PKHD1: variants seen among roughly 807,000 people sequenced by gnomAD.
PKHD1 encodes the protein PKHD1 ciliary IPT domain containing fibrocystin/polyductin.
PKHD1 carries 291 observed loss-of-function variants against 412.0 expected under a neutral mutation model. That is an observed-to-expected ratio of 0.71 (90% confidence interval 0.64 to 0.78). The LOEUF (loss-of-function observed/expected upper bound fraction) is 0.78, where lower values mean the gene tolerates loss of function less well. PKHD1 is among the 30% of genes least tolerant of loss of function. The pLI is 0.00. For missense variants in PKHD1, 4,825 were observed against 4,950.7 expected (o/e 0.97, Z 0.76); for synonymous variants, 1,777 against 1,821.5 (o/e 0.98, Z 0.62).
At chr6:51,728,865 A>AAGTGGTGGC (rs1299663346) in intron 60 of PKHD1, among the ~76,000 whole-genome samples, 1 of 152,252 alleles carries the variant, frequency 6.6e-6, no homozygotes, top group Non-Finnish European at 1.5e-5. Flanking sequence ...GGATCATGAT[A>AAGTGGTGGC]AGTGGTGGCA....
At chr6:52,059,591 T>C (rs935180350) in intron 15 of PKHD1, among the ~76,000 whole-genome samples, 1 of 152,152 alleles carries the variant, frequency 6.6e-6, no homozygotes, top group Non-Finnish European at 1.5e-5. Flanking sequence ...GTGGAAAAGA[T>C]ACATACATAT....
At chr6:51,665,871 T>C (rs1334259355) in intron 60 of PKHD1, among the ~76,000 whole-genome samples, 3 of 152,044 alleles carry the variant, frequency 2.0e-5, no homozygotes, top group African/African-American at 7.2e-5. Context: ...TAAGATGGGA[T>C]TGGATAGGTT....
At chr6:51,716,498 A>G (rs1424102049) in intron 60 of PKHD1, among the ~76,000 whole-genome samples, 1 of 152,152 alleles carries the variant, frequency 6.6e-6, no homozygotes, top group Non-Finnish European at 1.5e-5. Flanking sequence ...AAAAGGCTTC[A>G]TAGAGTCCCT....
chr6:52,019,713 T>C (rs1457328595), intron 33 of PKHD1, among the ~76,000 whole-genome samples: 1 of 152,148 alleles, frequency 6.6e-6, no homozygotes, highest in Non-Finnish European at 1.5e-5. Flanking sequence ...TCCATGAAAA[T>C]GTCATGTGGT....
intron 16 of PKHD1, 71 bp downstream of exon 16, chr6:52,058,252 C>T: frequency 2.6e-6 from 4 of 1,510,272 alleles, no homozygotes; most frequent in Non-Finnish European, 3.7e-6. Context: ...GACTCCCAGT[C>T]AGTGCTCCTG....
chr6:51,666,555 TTTA>T (rs1773822406), intron 60 of PKHD1, among the ~76,000 whole-genome samples: 2 of 151,862 alleles, frequency 1.3e-5, no homozygotes, highest in African/African-American at 4.9e-5. Context: ...TTTTTTTAAA[TTTA>T]TTATAATACT....
In PKHD1 at chr6:51,833,735, A is replaced by G. The variant is rs147453336; in HGVS notation, c.8173+2669T>C. Among the ~76,000 whole-genome samples the G allele has an allele frequency of 4.6e-3, 697 of 152,286 alleles. 5 individuals carry two copies. Among genetic ancestry groups the G allele is most frequent in the African/African-American group, 0.013 (552 of 41,568 alleles). ...GTGGTCCCAGTTGAGTGGTTGAGAC[A>G]GAAACCATATTACAGTGGATTGAGG... On this transcript the variant is annotated intron_variant, in intron 51 of 66. Coordinates refer to ENST00000371117, the MANE Select transcript of PKHD1 (RefSeq NM_138694.4).
rs1266670246 is a variant in PKHD1 at position 51,806,160 on chromosome 6, A to G, written c.8303-14787T>C. ...AATGGGTGCAGCACACCAACATGGCACATGTATACATATGTAACTAACCTG... is the reference window on the plus strand; with the variant it reads ...AATGGGTGCAGCACACCAACATGGCGCATGTATACATATGTAACTAACCTG... On this transcript the variant is annotated intron_variant, in intron 52 of 66. Transcript: ENST00000371117. 3.3e-5 allele frequency among the ~76,000 whole-genome samples: 5 copies of G among 152,242 alleles called. No homozygotes were observed. In the East Asian group the frequency reaches 9.7e-4, roughly 29 times the overall value.
intron 55 of PKHD1, among the ~76,000 whole-genome samples, chr6:51,758,533 T>C (rs1787444546): frequency 6.6e-6 from 1 of 152,214 alleles, no homozygotes; most frequent in Non-Finnish European, 1.5e-5. Flanking sequence ...CTCTGATTAG[T>C]ATGACTCCTA....
At chr6:51,667,446 C>A (rs1359791201) in intron 60 of PKHD1, among the ~76,000 whole-genome samples, 2 of 148,668 alleles carry the variant, frequency 1.3e-5, no homozygotes, top group African/African-American at 2.5e-5. Context: ...TGGATATTAG[C>A]CCTTTGTCAG....
At chr6:51,732,048 A>C (rs1364300457) in intron 60 of PKHD1, among the ~76,000 whole-genome samples, 1 of 152,206 alleles carries the variant, frequency 6.6e-6, no homozygotes, top group African/African-American at 2.4e-5. Context: ...TTTTAAACAC[A>C]TAGTATAAGA....
chr6:51,894,078 C>G (rs1329086704), intron 43 of PKHD1, among the ~76,000 whole-genome samples: 1 of 152,202 alleles, frequency 6.6e-6, no homozygotes, highest in Non-Finnish European at 1.5e-5. Context: ...AACAGATTCA[C>G]ACAGGTTATG....
chr6:52,033,576 G>A (rs549764079), intron 28 of PKHD1, among the ~76,000 whole-genome samples: 56 of 151,406 alleles, frequency 3.7e-4, no homozygotes, highest in African/African-American at 1.3e-3. Flanking sequence ...ATTTCTCTAT[G>A]ACACACTCTT....
At chr6:51,852,458 T>C (rs1486518076) in intron 49 of PKHD1, among the ~76,000 whole-genome samples, 1 of 152,186 alleles carries the variant, frequency 6.6e-6, no homozygotes, top group Non-Finnish European at 1.5e-5. Flanking sequence ...CATATCCTTG[T>C]TAATTTTCTG....
Position 51,874,245 on chromosome 6 carries a change from T to C in PKHD1, c.7351-3606A>G, listed in dbSNP as rs1303774469. ...GACAGCCATCCTACAGATACTTCGA[T>C]AAGTAGGGTGACCGTAATTTAAATT... On this transcript the variant is annotated intron_variant, in intron 46 of 66. Transcript: ENST00000371117. Among the ~76,000 whole-genome samples, 5 of 151,484 alleles carry C rather than the reference T, an allele frequency of 3.3e-5. No individual in the cohort carries two copies. In the South Asian group the frequency reaches 6.3e-4, roughly 19 times the overall value.
At chr6:51,720,063 A>G (rs1444234975) in intron 60 of PKHD1, among the ~76,000 whole-genome samples, 4 of 152,214 alleles carry the variant, frequency 2.6e-5, no homozygotes, top group Non-Finnish European at 5.9e-5. Context: ...AAGGGGGCAC[A>G]TTGCAAAATG....
chr6:52,027,800 T>C (rs759443591), intron 31 of PKHD1, 29 bp downstream of exon 31: 2 of 1,517,566 alleles, frequency 1.3e-6, no homozygotes, highest in African/African-American at 2.7e-5. Context: ...TGCTGGATAA[T>C]TGATAACAGT....
intron 35 of PKHD1, among the ~76,000 whole-genome samples, chr6:51,981,848 G>C (rs533164052): frequency 8.7e-6 from 1 of 114,764 alleles, no homozygotes; most frequent in Non-Finnish European, 2.2e-5. Context: ...TCTCTGCCCG[G>C]CTGCCATCCC....
At chr6:52,047,644 A>G (rs142048860) in intron 23 of PKHD1, among the ~76,000 whole-genome samples, 22 of 152,328 alleles carry the variant, frequency 1.4e-4, no homozygotes, top group Middle Eastern at 3.4e-3. Context: ...TGTCACCATT[A>G]AGTCTAACTC....
Sources: allele counts gnomAD v4.1 joint callset (sites outside exome capture counted in the v4.1 genomes callset), GRCh38; gene constraint gnomAD v4.1.1; transcripts MANE v1.5; gene names NCBI Gene and HGNC (gene_info 2026-07-23, HGNC 2026-07-21).